ZC3H6: variants seen among roughly 807,000 people sequenced by gnomAD.
The protein encoded by ZC3H6 is zinc finger CCCH-type containing 6, also known as zinc finger CCCH domain-containing protein 6.
ZC3H6 carries 40 observed loss-of-function variants against 107.7 expected under a neutral mutation model. The ratio of observed to expected loss-of-function variants is 0.37; its 90% CI spans 0.29 to 0.48. The LOEUF (loss-of-function observed/expected upper bound fraction) is 0.48. Among genes scored for constraint, ZC3H6 ranks in the 20% least tolerant of loss-of-function variants. The pLI, the probability that ZC3H6 is intolerant of heterozygous loss-of-function variation, is 0.98. For synonymous variants in ZC3H6, 493 were observed against 487.9 expected, an observed-to-expected ratio of 1.01 and a Z score of -0.14; for missense variants, 1,267 against 1,410.4, an observed-to-expected ratio of 0.90 and a Z score of 1.63.
Position 112,331,645 on chromosome 2 carries a change from G to C in ZC3H6, c.2727G>C (p.Gln909His). The change falls in exon 12 of 12, where the codon CAG becomes CAC. Residue 909 changes from glutamine to histidine, a missense_variant. Around this residue, in one of 3 missense-constraint regions of ZC3H6, gnomAD observed 925 missense variants for 1,025.7 expected, o/e 0.90. Transcript: ENST00000409871. ...CTCTGCCCCCACTTATAGCTGACCAGAGGCTAAATAGATTATGGAATACAA... is the reference window on the plus strand; with the variant it reads ...CTCTGCCCCCACTTATAGCTGACCACAGGCTAAATAGATTATGGAATACAA... ...NLPLPPLIAD[Q>H]RLNRLWNTKS... 1.2e-6 allele frequency: 2 copies of C among 1,613,918 alleles called. No individual in the cohort carries two copies. The highest frequency in any genetic ancestry group is 1.6e-4 in the Middle Eastern group (1 of 6,062).
intron 5 of ZC3H6, chr2:112,312,214 C>T: frequency 3.8e-6 from 1 of 263,058 alleles, no homozygotes; most frequent in Non-Finnish European, 7.2e-6. Flanking sequence ...CTCTATTAGT[C>T]TTCTTTTGTG....
In ZC3H6 at chr2:112,337,549, T is replaced by A. The variant is rs1677154131; in HGVS notation, c.*5061T>A. ...GTTGATCAGGCTGATCTTGAACTCC[T>A]GACCCCAGGTGATCCACCCGCCTCA... On this transcript the variant is annotated 3_prime_UTR_variant, in exon 12 of 12. Transcript: ENST00000409871. 1 of 152,110 alleles carries A rather than the reference T, an allele frequency of 6.6e-6. No homozygotes were observed. The highest frequency in any genetic ancestry group is 2.1e-4 in the South Asian group (1 of 4,818). The allele number at this position is 152,110 out of a possible 1,614,324, so 9.4% of individuals were successfully genotyped here.
At chr2:112,289,357 TCTTGTC>T (rs1676049373) in intron 1 of ZC3H6, among the ~76,000 whole-genome samples, 1 of 144,704 alleles carries the variant, frequency 6.9e-6, no homozygotes. Flanking sequence ...AGTCTCTTGT[TCTTGTC>T]GCCCAGGCTG....
At chr2:112,282,817 T>G (rs1686550006) in intron 1 of ZC3H6, among the ~76,000 whole-genome samples, 1 of 152,234 alleles carries the variant, frequency 6.6e-6, no homozygotes, top group Non-Finnish European at 1.5e-5. Context: ...ACTAGAAGTT[T>G]TAAATGGCAT....
At chr2:112,285,508 C>G (rs536886384) in intron 1 of ZC3H6, among the ~76,000 whole-genome samples, 3 of 152,108 alleles carry the variant, frequency 2.0e-5, no homozygotes, top group Admixed American at 6.5e-5. Flanking sequence ...AGGCCCACAA[C>G]GCCACGCCCG....
At chr2:112,289,738 G>GTTTTGT (rs112158160) in intron 1 of ZC3H6, among the ~76,000 whole-genome samples, 1 of 150,560 alleles carries the variant, frequency 6.6e-6, no homozygotes, top group Admixed American at 6.6e-5. Context: ...ACCGTTTTTT[G>GTTTTGT]TTTGTTTTGT....
intron 11 of ZC3H6, among the ~76,000 whole-genome samples, chr2:112,329,496 T>A (rs954871570): frequency 6.6e-6 from 1 of 152,216 alleles, no homozygotes; most frequent in Non-Finnish European, 1.5e-5. Context: ...AGATCTAGTG[T>A]CTAGAAGTAG....
In ZC3H6 at chr2:112,334,285, C is replaced by T. The variant is rs1677101273; in HGVS notation, c.*1797C>T. 1.3e-5 allele frequency: 2 copies of T among 151,872 alleles called. No homozygotes were observed. Among genetic ancestry groups the T allele is most frequent in the African/African-American group, 4.8e-5 (2 of 41,368 alleles). 9.4% of individuals were successfully genotyped at this position (151,872 alleles called of 1,614,324 possible). A position where few individuals can be genotyped will look rare whatever the true frequency, so the allele number is the denominator to read the frequency against. On this transcript the variant is annotated 3_prime_UTR_variant, in exon 12 of 12. Coordinates refer to ENST00000409871, the MANE Select transcript of ZC3H6 (RefSeq NM_198581.3). Reference sequence around the variant, plus strand: ...TATATATATCCCAAGGTGTAATTTACTCTTTTGTCAGGATAAAATCAGAAA... The same window carrying T: ...TATATATATCCCAAGGTGTAATTTATTCTTTTGTCAGGATAAAATCAGAAA...
intron 4 of ZC3H6, among the ~76,000 whole-genome samples, chr2:112,310,887 CTTT>C (rs1676580561): frequency 6.6e-6 from 1 of 152,146 alleles, no homozygotes; most frequent in Non-Finnish European, 1.5e-5. Flanking sequence ...ATTTCTATGA[CTTT>C]ATTTTTTCTC....
chr2:112,320,080 G>A (rs963577894), intron 7 of ZC3H6, among the ~76,000 whole-genome samples: 2 of 152,018 alleles, frequency 1.3e-5, no homozygotes, highest in Non-Finnish European at 2.9e-5. Flanking sequence ...TTACAGGCAT[G>A]CACCACCACG....
Position 112,280,736 on chromosome 2 carries a change from C to T in ZC3H6, c.32+4710C>T, listed in dbSNP as rs564839335. ...TTGGCCAAGTAAATACAGAGATACACGAAAAGCATGGATAAATGGCACAAG... is the reference window on the plus strand; with the variant it reads ...TTGGCCAAGTAAATACAGAGATACATGAAAAGCATGGATAAATGGCACAAG... On this transcript the variant is annotated intron_variant, in intron 1 of 11. Coordinates refer to ENST00000409871, the MANE Select transcript of ZC3H6 (RefSeq NM_198581.3). 5.3e-5 allele frequency among the ~76,000 whole-genome samples: 8 copies of T among 152,020 alleles called. No homozygotes were observed. In the South Asian group the frequency reaches 8.3e-4, roughly 16 times the overall value.
rs780622520 is a variant in ZC3H6, at chr2:112,309,993, G to A, written c.445G>A (p.Gly149Ser). 8.7e-6 allele frequency: 14 copies of A among 1,613,156 alleles called. No homozygotes were observed. The Admixed American group carries it at 1.5e-4, about 17-fold the overall frequency. ...CAGCACCTACAGTGATGACAACTTCGGTAACTACAGTGATGACAACTTTGG... is the reference window on the plus strand; with the variant it reads ...CAGCACCTACAGTGATGACAACTTCAGTAACTACAGTGATGACAACTTTGG... ...EYSTYSDDNF[G>S]NYSDDNFGNY... The change falls in exon 4 of 12, where the codon GGT (glycine) becomes AGT (serine). Residue 149 changes from glycine to serine, a missense_variant. By Grantham distance (56) the Gly-to-Ser change is moderately conservative. Transcript: ENST00000409871.
At chr2:112,321,909 C>T in intron 8 of ZC3H6, 44 bp downstream of exon 8, 2 of 867,798 alleles carry the variant, frequency 2.3e-6, no homozygotes, top group Non-Finnish European at 3.5e-6. Context: ...TCCACAAATA[C>T]ATTTGACTTG....
At chr2:112,311,028 A>G (rs547666402) in intron 4 of ZC3H6, among the ~76,000 whole-genome samples, 2 of 152,370 alleles carry the variant, frequency 1.3e-5, no homozygotes, top group South Asian at 4.1e-4. Context: ...ATGTTGTGGT[A>G]TCAGGGATCA....
At chr2:112,319,380 T>TC (rs1394022597) in intron 7 of ZC3H6, among the ~76,000 whole-genome samples, 1 of 152,096 alleles carries the variant, frequency 6.6e-6, no homozygotes, top group East Asian at 1.9e-4. Flanking sequence ...GCACGGTGGC[T>TC]CATGCCTGTA....
At position 112,336,536 on chromosome 2, in the gene ZC3H6, A is replaced by G. The variant is rs950651684; in HGVS notation, c.*4048A>G. On this transcript the variant is annotated 3_prime_UTR_variant, in exon 12 of 12. Transcript: ENST00000409871. ...TCCAAGTTTTGACATATATAACCAA[A>G]CGGCCTAAGAGTTCAAAGCTATTTT... 13 of 152,204 alleles carry G rather than the reference A, an allele frequency of 8.5e-5. No homozygotes were observed. Among genetic ancestry groups the G allele is most frequent in the Admixed American group, 8.5e-4 (13 of 15,276 alleles). The allele number at this position is 152,204 out of a possible 1,614,324, so 9.4% of individuals were successfully genotyped here.
rs1481332886 is a variant in ZC3H6 at position 112,338,790 on chromosome 2, C to G, written c.*6302C>G. ...TTAAAAAATAACCATATTCTCAAACCTCCATTACCACTAATATCTTGGGGT... is the reference window on the plus strand; with the variant it reads ...TTAAAAAATAACCATATTCTCAAACGTCCATTACCACTAATATCTTGGGGT... On this transcript the variant is annotated 3_prime_UTR_variant, in exon 12 of 12. Coordinates refer to ENST00000409871, the MANE Select transcript of ZC3H6 (RefSeq NM_198581.3). The G allele has an allele frequency of 1.4e-5, 2 of 146,386 alleles. No homozygotes were observed. The highest frequency in any genetic ancestry group is 3.0e-5 in the Non-Finnish European group (2 of 66,460). The allele number at this position is 146,386 out of a possible 1,614,324, so 9.1% of individuals were successfully genotyped here.
At chr2:112,285,857 A>G (rs1686597076) in intron 1 of ZC3H6, among the ~76,000 whole-genome samples, 1 of 152,010 alleles carries the variant, frequency 6.6e-6, no homozygotes. Context: ...GCTACTTGGG[A>G]GGCTGAGGCA....
In ZC3H6 at chr2:112,332,326, A is replaced by G. The variant is rs1677052647; in HGVS notation, c.3408A>G (p.Ala1136=). Residue 1136 remains alanine (A), a synonymous_variant, in exon 12 of 12, where the codon GCA becomes GCG. Transcript: ENST00000409871. ...VPAVHSLPVQ[A]LTGLIRPQYS... is the part of the protein sequence containing the mutation. ...CAGTGCACAGCCTTCCTGTTCAGGC[A>G]TTAACAGGCTTAATTAGGCCACAGT... is the stretch of plus-strand genomic sequence containing the variant. 2 of 1,613,982 alleles carry G rather than the reference A, an allele frequency of 1.2e-6. No homozygotes were observed. The highest frequency in any genetic ancestry group is 8.5e-7 in the Non-Finnish European group (1 of 1,179,868).
Sources: gnomAD v4.1 joint callset for allele counts (sites outside exome capture counted in the v4.1 genomes callset) on GRCh38, gnomAD v4.1.1 for gene constraint, gnomAD v4.1.1 regional missense constraint, MANE v1.5 for transcripts, NCBI Gene and HGNC (gene_info 2026-07-23, HGNC 2026-07-21) for gene names.